The following MYEF2 variants were observed in gnomAD, a reference collection of about 807,000 sequenced individuals.
MYEF2 encodes myelin gene expression factor 2.
In MYEF2, 37 loss-of-function variants were observed where a neutral mutation model predicts 75.2. The ratio of observed to expected loss-of-function variants is 0.49; its 90% CI spans 0.38 to 0.65. MYEF2 has a LOEUF of 0.65. Ranked by LOEUF, MYEF2 falls within the 30% of genes least tolerant of loss-of-function variation. The probability of loss-of-function intolerance (pLI) is 0.00; values close to 1 mark genes in which losing one functional copy is unlikely to be tolerated. For synonymous variants in MYEF2, 195 were observed against 241.6 expected, an observed-to-expected ratio of 0.81 and a Z score of 1.79; for missense variants, 634 against 771.4, an observed-to-expected ratio of 0.82 and a Z score of 2.11.
At chr15:48,150,680 C>A (rs1037275673) in intron 14 of MYEF2, among the ~76,000 whole-genome samples, 3 of 151,832 alleles carry the variant, frequency 2.0e-5, no homozygotes, top group Non-Finnish European at 2.9e-5. Flanking sequence ...TCAGGAGATG[C>A]CTAAGAGTGC....
intron 3 of MYEF2, among the ~76,000 whole-genome samples, chr15:48,166,780 T>C (rs1302882831): frequency 2.0e-5 from 3 of 151,810 alleles, no homozygotes; most frequent in African/African-American, 7.3e-5. Context: ...AATGAAACAT[T>C]GCTAAGAGTT....
intron 1 of MYEF2, chr15:48,169,976 T>C (rs2040266924): frequency 6.6e-6 from 1 of 152,224 alleles, no homozygotes; most frequent in Non-Finnish European, 1.5e-5. Context: ...TATGATGTCA[T>C]ATGCCAACCA....
In MYEF2 at chr15:48,153,846, T is replaced by C. The variant is rs1257673475; in HGVS notation, c.1033A>G (p.Ile345Val). The part of the protein sequence containing the change: ...GMGLGPGGQP[I>V]SASQLNIGGV... ...CCTATGTTCAACTGGCTGGCACTAA[T>C]AGGCTGTCCACCCGGACCAAGTCCC... Residue 345 changes from isoleucine to valine, a missense_variant, in exon 10 of 17, where the codon ATT (isoleucine) becomes GTT (valine). Ile to Val is a conservative substitution (Grantham distance 29). Coordinates refer to ENST00000324324, the MANE Select transcript of MYEF2 (RefSeq NM_016132.5). 7 of 1,613,458 alleles carry C rather than the reference T, an allele frequency of 4.3e-6. No individual in the cohort carries two copies. Among genetic ancestry groups the C allele is most frequent in the Non-Finnish European group, 5.9e-6 (7 of 1,179,610 alleles).
intron 9 of MYEF2, among the ~76,000 whole-genome samples, chr15:48,156,729 G>A (rs2039711055): frequency 6.6e-6 from 1 of 151,402 alleles, no homozygotes; most frequent in Non-Finnish European, 1.5e-5. Flanking sequence ...CAGTTAAAAT[G>A]AAGAAACTAG....
At position 48,141,976 on chromosome 15, in the gene MYEF2, A is replaced by C; in HGVS notation, c.*932T>G. The stretch of plus-strand genomic sequence containing the variant: ...TGTTTCTTTTCTTATGAAGATTATT[A>C]ATAAAACACAGTATTGGTAAGCACA... On this transcript the variant is annotated 3_prime_UTR_variant, in exon 17 of 17. Coordinates refer to ENST00000324324, the MANE Select transcript of MYEF2 (RefSeq NM_016132.5). The C allele has an allele frequency of 7.8e-7, 1 of 1,275,224 alleles. No individual in the cohort carries two copies. Among genetic ancestry groups the C allele is most frequent in the Non-Finnish European group, 1.1e-6 (1 of 938,138 alleles). The allele number at this position is 1,275,224 out of a possible 1,614,324, so 79.0% of individuals were successfully genotyped here.
chr15:48,147,603 C>CA (rs1299100920), intron 16 of MYEF2, among the ~76,000 whole-genome samples: 1 of 151,976 alleles, frequency 6.6e-6, no homozygotes, highest in Non-Finnish European at 1.5e-5. Flanking sequence ...CTTACTCCTG[C>CA]AAAGAAGACC....
chr15:48,166,124 C>T lies in MYEF2; in HGVS notation c.428G>A (p.Cys143Tyr). ...FKDAEGKSRG[C>Y]GVVEFKDEEF... is the part of the protein sequence containing the mutation. The stretch of plus-strand genomic sequence containing the variant: ...ACTTAAAGAAAAAATTTCTTACCCA[C>T]AACCCTATATCCAGGTAGATTTGTC... Residue 143 changes from cysteine to tyrosine, a missense_variant, in exon 4 of 17, where the codon TGT (cysteine) becomes TAT (tyrosine). By Grantham distance (194) the Cys-to-Tyr change is radical. Coordinates refer to ENST00000324324, the MANE Select transcript of MYEF2 (RefSeq NM_016132.5). 1 of 1,578,024 alleles carries T rather than the reference C, an allele frequency of 6.3e-7. No homozygotes were observed. The highest frequency in any genetic ancestry group is 8.6e-7 in the Non-Finnish European group (1 of 1,156,206).
chr15:48,141,849 C>G lies in MYEF2; in HGVS notation c.*1059G>C. On this transcript the variant is annotated 3_prime_UTR_variant, in exon 17 of 17. Transcript: ENST00000324324. ...TATAATTATTAAATAAATGTTAAGA[C>G]TTTAAATACTAACCCAAGAAAAATT... is the stretch of plus-strand genomic sequence containing the variant. 1 of 428,394 alleles carries G rather than the reference C, an allele frequency of 2.3e-6. No homozygotes were observed. Among genetic ancestry groups the G allele is most frequent in the Non-Finnish European group, 4.1e-6 (1 of 243,758 alleles). 26.5% of individuals were successfully genotyped at this position (428,394 alleles called of 1,614,324 possible).
At chr15:48,167,216 A>G in intron 3 of MYEF2, 133 bp downstream of exon 3, 1 of 826,062 alleles carries the variant, frequency 1.2e-6, no homozygotes, top group Non-Finnish European at 1.9e-6. Context: ...GCTGGTATAG[A>G]GCCTCAAATC....
chr15:48,164,193 T>C (rs559434668), intron 5 of MYEF2, among the ~76,000 whole-genome samples: 1 of 152,336 alleles, frequency 6.6e-6, no homozygotes, highest in East Asian at 1.9e-4. Context: ...ACATCTGTGA[T>C]TCATAAGGTC....
Position 48,137,054 on chromosome 15 carries a change from TATG to T in MYEF2, c.*5851_*5853del. The T allele has an allele frequency of 7.2e-7, 1 of 1,386,500 alleles. No individual in the cohort carries two copies. The highest frequency in any genetic ancestry group is 9.7e-7 in the Non-Finnish European group (1 of 1,031,772). 85.9% of individuals were successfully genotyped at this position (1,386,500 alleles called of 1,614,324 possible). A position where few individuals can be genotyped will look rare whatever the true frequency, so the allele number is the denominator to read the frequency against. On this transcript the variant is annotated 3_prime_UTR_variant, in exon 17 of 17. Coordinates refer to ENST00000324324, the MANE Select transcript of MYEF2 (RefSeq NM_016132.5). ...AATTCAGCAAGTATTGTGTGCTTTTTATGTAAAAAAGACTGTGAAGACTCAGAA... is the reference window on the plus strand; with the variant it reads ...AATTCAGCAAGTATTGTGTGCTTTTTTAAAAAAGACTGTGAAGACTCAGAA...
At chr15:48,171,634 A>G (rs1366369096) in intron 1 of MYEF2, among the ~76,000 whole-genome samples, 2 of 152,136 alleles carry the variant, frequency 1.3e-5, no homozygotes, top group Non-Finnish European at 2.9e-5. Flanking sequence ...TATAAAAGGC[A>G]TAACAGTTGA....
chr15:48,148,863 T>C (rs578212126), intron 16 of MYEF2, among the ~76,000 whole-genome samples, 169 bp downstream of exon 16: 1 of 152,072 alleles, frequency 6.6e-6, no homozygotes, highest in African/African-American at 2.4e-5. Flanking sequence ...AGTCAAAAGA[T>C]AGTGAAATAA....
At position 48,137,224 on chromosome 15, in the gene MYEF2, T is replaced by C. The variant is rs2038923167; in HGVS notation, c.*5684A>G. On this transcript the variant is annotated 3_prime_UTR_variant, in exon 17 of 17. Transcript: ENST00000324324. ...TCACAAATGGGACAGATTGCCAAAATGTGGTGAGGACAGATAGGAGATTTT... is the reference window on the plus strand; with the variant it reads ...TCACAAATGGGACAGATTGCCAAAACGTGGTGAGGACAGATAGGAGATTTT... The C allele has an allele frequency of 2.6e-6, 1 of 383,094 alleles. No individual in the cohort carries two copies. Among genetic ancestry groups the C allele is most frequent in the Non-Finnish European group, 4.7e-6 (1 of 214,242 alleles). 23.7% of individuals were successfully genotyped at this position (383,094 alleles called of 1,614,324 possible).
Position 48,153,899 on chromosome 15 carries a change from A to G in MYEF2, c.986-6T>C. On this transcript the variant is annotated splice_polypyrimidine_tract_variant and splice_region_variant and intron_variant, in intron 9 of 16. Transcript: ENST00000324324. The stretch of plus-strand genomic sequence containing the variant: ...CCCAATGCCTCCAAGACCACCTAAA[A>G]CAAAAATGAGAACAATCATTACAAA... The G allele has an allele frequency of 6.2e-7, 1 of 1,609,168 alleles. No individual in the cohort carries two copies. Among genetic ancestry groups the G allele is most frequent in the Non-Finnish European group, 8.5e-7 (1 of 1,176,966 alleles).
intron 5 of MYEF2, among the ~76,000 whole-genome samples, chr15:48,163,060 G>C (rs1165703273): frequency 2.0e-5 from 3 of 152,160 alleles, no homozygotes; most frequent in Admixed American, 2.0e-4. Context: ...CAGGTGAAAA[G>C]CCGGGCCTCT....
At chr15:48,162,466 G>C (rs1045257490) in intron 5 of MYEF2, among the ~76,000 whole-genome samples, 1 of 152,178 alleles carries the variant, frequency 6.6e-6, no homozygotes, top group Non-Finnish European at 1.5e-5. Context: ...CCCTGAGTTA[G>C]AGAGGTTCTC....
At chr15:48,174,334 T>C (rs1052123899) in intron 1 of MYEF2, among the ~76,000 whole-genome samples, 1 of 149,950 alleles carries the variant, frequency 6.7e-6, no homozygotes, top group Non-Finnish European at 1.5e-5. Flanking sequence ...CCTAAAACCA[T>C]GGAACTCCTA....
In MYEF2 at chr15:48,135,014, A is replaced by C. The variant is rs368384996; in HGVS notation, c.*7894T>G. ...GCTTGAAAATAATTCTTATGTAAAA[A>C]TTAGAGATTTTATGAATTTCTGATG... is the stretch of plus-strand genomic sequence containing the variant. On this transcript the variant is annotated 3_prime_UTR_variant, in exon 17 of 17. Coordinates refer to ENST00000324324, the MANE Select transcript of MYEF2 (RefSeq NM_016132.5). The C allele has an allele frequency of 2.0e-4, 308 of 1,531,528 alleles. No homozygotes were observed. The African/African-American group carries it at 3.7e-3, about 19-fold the overall frequency. 94.9% of individuals were successfully genotyped at this position (1,531,528 alleles called of 1,614,324 possible).
Sources: gnomAD v4.1 joint callset for allele counts (sites outside exome capture counted in the v4.1 genomes callset) on GRCh38, gnomAD v4.1.1 for gene constraint, MANE v1.5 for transcripts, NCBI Gene and HGNC (gene_info 2026-07-23, HGNC 2026-07-21) for gene names.